The following YPEL5 variants were observed in gnomAD, a reference collection of about 807,000 sequenced individuals.
YPEL5 encodes protein yippee-like 5.
In YPEL5, 1 loss-of-function variant was observed where a neutral mutation model predicts 10.5. The ratio of observed to expected loss-of-function variants is 0.10; its 90% CI spans 0.03 to 0.45. The LOEUF is 0.45. Ranked by LOEUF, YPEL5 falls within the 20% of genes least tolerant of loss-of-function variation. YPEL5 has a pLI of 0.97. For synonymous variants in YPEL5, 61 were observed against 56.6 expected (o/e 1.08, Z -0.35); for missense variants, 68 against 159.3 (o/e 0.43, Z 3.09).
chr2:30,157,463 C>A (rs1676093665), intron 2 of YPEL5, among the ~76,000 whole-genome samples: 1 of 152,148 alleles, frequency 6.6e-6, no homozygotes, highest in South Asian at 2.1e-4. Flanking sequence ...ACTATTATAA[C>A]TTGACAGCGA....
At chr2:30,156,588 T>A (rs967945463) in intron 1 of YPEL5, 40 bp from the exon 2 acceptor site, 4 of 1,590,450 alleles carry the variant, frequency 2.5e-6, no homozygotes, top group Non-Finnish European at 3.4e-6. Flanking sequence ...CTAACATGAT[T>A]ATTATAATGC....
At chr2:30,152,727 CAAAA>C (rs1349889360) in intron 1 of YPEL5, among the ~76,000 whole-genome samples, 1 of 152,084 alleles carries the variant, frequency 6.6e-6, no homozygotes, top group Non-Finnish European at 1.5e-5. Context: ...TAAAAATTGT[CAAAA>C]TTAAATGCGG....
At chr2:30,156,376 C>A (rs1676039575) in intron 1 of YPEL5, 1 of 356,484 alleles carries the variant, frequency 2.8e-6, no homozygotes, top group South Asian at 5.4e-5. Flanking sequence ...TGACACTATT[C>A]TTTGGCCTTG....
At chr2:30,158,562 A>G (rs1676144655) in intron 2 of YPEL5, 57 bp from the exon 3 acceptor site, 3 of 1,536,488 alleles carry the variant, frequency 2.0e-6, no homozygotes, top group African/African-American at 1.4e-5. Context: ...TATTTTGTAC[A>G]TACTTGGCAA....
rs982572316 is a variant in YPEL5, at chr2:30,156,531, A to G, written c.-24-97A>G. On this transcript the variant is annotated intron_variant, in intron 1 of 2. Transcript: ENST00000261353. ...TCGAGTACTACAAAGCAGAGATTAC[A>G]TAAATACGTATACAAATTGTTCTCT... 8.8e-6 allele frequency: 10 copies of G among 1,142,612 alleles called. No homozygotes were observed. The Admixed American group carries it at 1.9e-4, about 22-fold the overall frequency. The allele number at this position is 1,142,612 out of a possible 1,614,324, so 70.8% of individuals were successfully genotyped here. A position where few individuals can be genotyped will look rare whatever the true frequency, so the allele number is the denominator to read the frequency against.
Position 30,149,401 on chromosome 2 carries a change from T to C in YPEL5, c.-25+2339T>C, listed in dbSNP as rs114904155. 4.8e-3 allele frequency among the ~76,000 whole-genome samples: 736 copies of C among 152,300 alleles called. 6 individuals carry two copies. The highest frequency in any genetic ancestry group is 0.017 in the African/African-American group (691 of 41,554). The stretch of plus-strand genomic sequence containing the variant: ...CTGCAAGAGGAAAGCAGAGCTTGCT[T>C]GTGTCACTGAAAACTTAGCTTGTTA... On this transcript the variant is annotated intron_variant, in intron 1 of 2. Transcript: ENST00000261353.
At position 30,159,086 on chromosome 2, in the gene YPEL5, C is replaced by T. The variant is rs1037294598; in HGVS notation, c.*243C>T. On this transcript the variant is annotated 3_prime_UTR_variant, in exon 3 of 3. Transcript: ENST00000261353. ...CCGTTAATTTTTTACCCTATGTTTA[C>T]ATCTTGAGGCAGCAGAGTCTGTCTG... 1 of 499,782 alleles carries T rather than the reference C, an allele frequency of 2.0e-6. No individual in the cohort carries two copies. The highest frequency in any genetic ancestry group is 3.6e-6 in the Non-Finnish European group (1 of 279,996). The allele number at this position is 499,782 out of a possible 1,614,324, so 31.0% of individuals were successfully genotyped here. A position where few individuals can be genotyped will look rare whatever the true frequency, so the allele number is the denominator to read the frequency against.
chr2:30,156,383 C>T (rs1270825903), intron 1 of YPEL5: 12 of 371,344 alleles, frequency 3.2e-5, no homozygotes, highest in Non-Finnish European at 4.9e-6. Flanking sequence ...ATTCTTTGGC[C>T]TTGGCTAATA....
At chr2:30,155,627 T>C (rs1676008084) in intron 1 of YPEL5, among the ~76,000 whole-genome samples, 1 of 152,228 alleles carries the variant, frequency 6.6e-6, no homozygotes, top group Non-Finnish European at 1.5e-5. Flanking sequence ...GAATACTGTT[T>C]AGGATAATTA....
At chr2:30,156,060 GT>G (rs1676024486) in intron 1 of YPEL5, 1 of 152,378 alleles carries the variant, frequency 6.6e-6, no homozygotes, top group African/African-American at 2.4e-5. Flanking sequence ...CCTAGTAACA[GT>G]GCTCCCTAGA....
At chr2:30,155,516 TAATA>T (rs1676003762) in intron 1 of YPEL5, among the ~76,000 whole-genome samples, 1 of 152,214 alleles carries the variant, frequency 6.6e-6, no homozygotes, top group Admixed American at 6.5e-5. Context: ...GAAAGATGTA[TAATA>T]AATATTTAAA....
chr2:30,158,895 A>G lies in YPEL5; in HGVS notation c.*52A>G, dbSNP rs1044550481. The G allele has an allele frequency of 6.4e-6, 10 of 1,570,634 alleles. No individual in the cohort carries two copies. The highest frequency in any genetic ancestry group is 2.7e-5 in the African/African-American group (2 of 73,978). On this transcript the variant is annotated 3_prime_UTR_variant, in exon 3 of 3. Coordinates refer to ENST00000261353, the MANE Select transcript of YPEL5 (RefSeq NM_016061.3). ...CCAGGTCTCCTTCACTGAAAACAAA[A>G]ATCTACTTACATACACTGTCACCTT... is the stretch of plus-strand genomic sequence containing the variant.
intron 1 of YPEL5, chr2:30,147,532 G>A: frequency 6.6e-6 from 1 of 150,390 alleles, no homozygotes; most frequent in Non-Finnish European, 1.5e-5. Context: ...AGTCGGGGGC[G>A]CGCCCGGTCT....
At chr2:30,157,580 C>G (rs1354132196) in intron 2 of YPEL5, among the ~76,000 whole-genome samples, 1 of 152,116 alleles carries the variant, frequency 6.6e-6, no homozygotes, top group Non-Finnish European at 1.5e-5. Context: ...AAGTGTGTGC[C>G]CAGTCTGCCT....
chr2:30,152,388 G>C (rs1478040516), intron 1 of YPEL5, among the ~76,000 whole-genome samples: 1 of 152,200 alleles, frequency 6.6e-6, no homozygotes, highest in African/African-American at 2.4e-5. Context: ...GATGTGAGGA[G>C]AGTTTGAATC....
intron 2 of YPEL5, among the ~76,000 whole-genome samples, chr2:30,158,041 G>T (rs1676118105): frequency 6.6e-6 from 1 of 152,176 alleles, no homozygotes; most frequent in African/African-American, 2.4e-5. Context: ...TGGGTATTCA[G>T]AATCAGTGGA....
chr2:30,151,821 G>T (rs887150180), intron 1 of YPEL5, among the ~76,000 whole-genome samples: 1 of 152,190 alleles, frequency 6.6e-6, no homozygotes, highest in Non-Finnish European at 1.5e-5. Flanking sequence ...CCAAACATTA[G>T]CTGTCTGTGA....
chr2:30,150,649 G>A (rs1675739593), intron 1 of YPEL5, among the ~76,000 whole-genome samples: 1 of 152,116 alleles, frequency 6.6e-6, no homozygotes, highest in Middle Eastern at 3.2e-3. Flanking sequence ...AAGGGGAATG[G>A]GATTAAACTG....
chr2:30,160,252 GTTGA>G lies in YPEL5; in HGVS notation c.*1411_*1414del, dbSNP rs1299839846. The G allele has an allele frequency of 6.6e-6, 1 of 152,244 alleles. No homozygotes were observed. Among genetic ancestry groups the G allele is most frequent in the Non-Finnish European group, 1.5e-5 (1 of 68,040 alleles). The allele number at this position is 152,244 out of a possible 1,614,324, so 9.4% of individuals were successfully genotyped here. A position where few individuals can be genotyped will look rare whatever the true frequency, so the allele number is the denominator to read the frequency against. ...GTTGAATTAGTGAAATATTTCTGTC[GTTGA>G]TATTAAAAGTGACTTCTGAGTACAG... is the stretch of plus-strand genomic sequence containing the variant. On this transcript the variant is annotated 3_prime_UTR_variant, in exon 3 of 3. Coordinates refer to ENST00000261353, the MANE Select transcript of YPEL5 (RefSeq NM_016061.3).
Sources: gnomAD v4.1 joint callset for allele counts (sites outside exome capture counted in the v4.1 genomes callset) on GRCh38, gnomAD v4.1.1 for gene constraint, MANE v1.5 for transcripts, NCBI Gene and HGNC (gene_info 2026-07-23, HGNC 2026-07-21) for gene names.